Variants in ANO3 observed in about 807,000 individuals in gnomAD.
ANO3 encodes anoctamin-3.
ANO3 carries 99 observed loss-of-function variants against 144.8 expected under a neutral mutation model. The ratio of observed to expected loss-of-function variants is 0.68; its 90% CI spans 0.58 to 0.81. The LOEUF is 0.81. Ranked by LOEUF, ANO3 falls within the 30% of genes least tolerant of loss-of-function variation. The pLI, the probability that ANO3 is intolerant of heterozygous loss-of-function variation, is 0.00. For synonymous variants in ANO3, 414 were observed against 392.6 expected (o/e 1.05, Z -0.64); for missense variants, 905 against 1,202.2 (o/e 0.75, Z 3.66).
At chr11:26,445,499 T>C (rs915379850) in intron 3 of ANO3, among the ~76,000 whole-genome samples, 1 of 152,238 alleles carries the variant, frequency 6.6e-6, no homozygotes, top group African/African-American at 2.4e-5. Flanking sequence ...TTTATGATTC[T>C]TTTCTCATCA....
chr11:26,558,523 A>G (rs1458505960), intron 13 of ANO3, among the ~76,000 whole-genome samples: 1 of 152,080 alleles, frequency 6.6e-6, no homozygotes, highest in South Asian at 2.1e-4. Context: ...ATAAATGTAC[A>G]CTGATGATTG....
At chr11:26,598,587 T>C in intron 15 of ANO3, 140 bp downstream of exon 15, 1 of 641,114 alleles carries the variant, frequency 1.6e-6, no homozygotes, top group Non-Finnish European at 2.6e-6. Flanking sequence ...AGATTTATTA[T>C]TTTATGAAGA....
chr11:26,603,004 A>G (rs922436676), intron 17 of ANO3, among the ~76,000 whole-genome samples: 1 of 152,232 alleles, frequency 6.6e-6, no homozygotes, highest in African/African-American at 2.4e-5. Context: ...AAATTGAAAG[A>G]AAGATTACAA....
chr11:26,329,701 C>T (rs944965736), upstream of ANO3, among the ~76,000 whole-genome samples: 7 of 152,056 alleles, frequency 4.6e-5, no homozygotes, highest in African/African-American at 1.7e-4. Context: ...TTGCCTCCTG[C>T]TGGGTTTTGG....
intron 1 of ANO3, among the ~76,000 whole-genome samples, chr11:26,193,186 G>A (rs1244644361): frequency 7.1e-6 from 1 of 141,062 alleles, no homozygotes; most frequent in African/African-American, 2.7e-5. Context: ...TTGTTGCCCA[G>A]GCTGGAGTGC....
intron 1 of ANO3, among the ~76,000 whole-genome samples, chr11:26,340,193 T>A (rs1334526891): frequency 5.9e-5 from 9 of 152,232 alleles, no homozygotes; most frequent in Non-Finnish European, 1.5e-5. Context: ...ATTTTGTTGG[T>A]GCACAAGTAA....
intron 6 of ANO3, 32 bp from the exon 7 acceptor site, chr11:26,525,603 C>A: frequency 1.3e-6 from 2 of 1,590,146 alleles, no homozygotes; most frequent in South Asian, 1.1e-5. Flanking sequence ...TTTCCTGTGG[C>A]TTTCCTTAGC....
intron 1 of ANO3, among the ~76,000 whole-genome samples, chr11:26,255,624 A>G (rs1385706494): frequency 1.3e-5 from 2 of 152,240 alleles, no homozygotes; most frequent in East Asian, 3.9e-4. Context: ...AAAAGATGGG[A>G]GGGGGGTTTT....
chr11:26,377,792 A>G (rs1338560834), intron 1 of ANO3, among the ~76,000 whole-genome samples: 1 of 152,142 alleles, frequency 6.6e-6, no homozygotes, highest in Non-Finnish European at 1.5e-5. Flanking sequence ...AGAAATGATT[A>G]CCTACAAATA....
At chr11:26,296,257 C>G (rs555390748) in intron 1 of ANO3, among the ~76,000 whole-genome samples, 1 of 152,248 alleles carries the variant, frequency 6.6e-6, no homozygotes, top group African/African-American at 2.4e-5. Context: ...AACCCTACTG[C>G]CTTAGGCAAG....
At chr11:26,284,005 G>C (rs757264595) in intron 1 of ANO3, among the ~76,000 whole-genome samples, 6 of 152,164 alleles carry the variant, frequency 3.9e-5, no homozygotes, top group Non-Finnish European at 7.4e-5. Context: ...TGACCCATGT[G>C]GGGGAACTGT....
rs189858304 is a variant in ANO3 at position 26,411,828 on chromosome 11, T to C, written c.47-30090T>C. Among the ~76,000 whole-genome samples, 7 of 152,084 alleles carry C rather than the reference T, an allele frequency of 4.6e-5. No homozygotes were observed. In the East Asian group the frequency reaches 1.4e-3, roughly 30 times the overall value. On this transcript the variant is annotated intron_variant, in intron 1 of 26. Transcript: ENST00000256737. ...TAGTTGCATGACTGCTTTGACACTT[T>C]CTATTTGAAGATTGCAGTTGACTTA... is the stretch of plus-strand genomic sequence containing the variant.
Position 26,382,588 on chromosome 11 carries a change from C to A in ANO3, c.46+50267C>A, listed in dbSNP as rs367572935. On this transcript the variant is annotated intron_variant, in intron 1 of 26. Coordinates refer to ENST00000256737, the MANE Select transcript of ANO3 (RefSeq NM_031418.4). ...ATCAGTCATAGAAGCAGGCTGTTGT[C>A]CCCAAATGTTCCTCTACTGTGGAGT... is the stretch of plus-strand genomic sequence containing the variant. Among the ~76,000 whole-genome samples, 51 of 152,190 alleles carry A rather than the reference C, an allele frequency of 3.4e-4. 1 individual carries two copies. The South Asian group carries it at 8.9e-3, about 27-fold the overall frequency.
At chr11:26,224,317 T>A (rs1195453461) in intron 1 of ANO3, among the ~76,000 whole-genome samples, 1 of 152,238 alleles carries the variant, frequency 6.6e-6, no homozygotes, top group Non-Finnish European at 1.5e-5. Context: ...ATGTTTACAG[T>A]CTTCCAGTGT....
At chr11:26,527,510 G>T (rs1849193920) in intron 7 of ANO3, among the ~76,000 whole-genome samples, 1 of 151,964 alleles carries the variant, frequency 6.6e-6, no homozygotes, top group South Asian at 2.1e-4. Context: ...ACATTAAACT[G>T]AAAAAAATTA....
At chr11:26,448,287 G>T (rs541809012) in intron 3 of ANO3, among the ~76,000 whole-genome samples, 105 of 129,872 alleles carry the variant, frequency 8.1e-4, no homozygotes, top group African/African-American at 2.7e-3. Flanking sequence ...CAACAAAAGC[G>T]TAACTCCGTC....
intron 1 of ANO3, among the ~76,000 whole-genome samples, chr11:26,433,344 A>C (rs1181810702): frequency 1.3e-5 from 2 of 152,156 alleles, no homozygotes; most frequent in Non-Finnish European, 2.9e-5. Flanking sequence ...GCAGACAGGG[A>C]AAATATGACT....
chr11:26,595,290 C>T, intron 14 of ANO3, among the ~76,000 whole-genome samples: 1 of 151,946 alleles, frequency 6.6e-6, no homozygotes, highest in Middle Eastern at 3.2e-3. Context: ...ACCAGCATGC[C>T]CAACATTGCC....
intron 22 of ANO3, among the ~76,000 whole-genome samples, chr11:26,642,642 C>G (rs989159427): frequency 1.3e-5 from 2 of 152,150 alleles, no homozygotes; most frequent in Non-Finnish European, 2.9e-5. Context: ...TGAGCCACCG[C>G]ACCTGGCCAG....
Sources: allele counts gnomAD v4.1 joint callset (sites outside exome capture counted in the v4.1 genomes callset), GRCh38; gene constraint gnomAD v4.1.1; transcripts MANE v1.5; gene names NCBI Gene and HGNC (gene_info 2026-07-23, HGNC 2026-07-21).